The following CAMK1D variants were observed in gnomAD, a reference collection of about 807,000 sequenced individuals.
CAMK1D encodes calcium/calmodulin dependent protein kinase ID, also known as calcium/calmodulin-dependent protein kinase type 1D.
Under a neutral mutation model 47.7 loss-of-function variants are expected in CAMK1D, and 9 were observed. The observed-to-expected ratio is 0.19, with a 90% CI of 0.11 to 0.33. CAMK1D has a LOEUF of 0.33. CAMK1D is among the 10% of genes least tolerant of loss of function. The pLI, the probability that CAMK1D is intolerant of heterozygous loss-of-function variation, is 1.00. For synonymous variants in CAMK1D, 184 were observed against 184.9 expected, an observed-to-expected ratio of 0.99 and a Z score of 0.04; for missense variants, 291 against 488.7, an observed-to-expected ratio of 0.60 and a Z score of 3.81.
intron 1 of CAMK1D, among the ~76,000 whole-genome samples, chr10:12,492,040 C>G (rs952198197): frequency 6.6e-6 from 1 of 152,240 alleles, no homozygotes; most frequent in African/African-American, 2.4e-5. Flanking sequence ...CCACCTCAGC[C>G]TCCCAAACTG....
chr10:12,717,919 G>C (rs1260984596), intron 3 of CAMK1D, among the ~76,000 whole-genome samples: 1 of 147,366 alleles, frequency 6.8e-6, no homozygotes, highest in African/African-American at 2.5e-5. Flanking sequence ...AAAAAAAAAA[G>C]ATGCAAAGAA....
chr10:12,753,249 T>A (rs571559855), intron 3 of CAMK1D, among the ~76,000 whole-genome samples: 1 of 152,280 alleles, frequency 6.6e-6, no homozygotes, highest in South Asian at 2.1e-4. Context: ...CTGGAGGTAA[T>A]TGTGGAAAGG....
At chr10:12,419,261 T>A (rs1588465050) in intron 1 of CAMK1D, among the ~76,000 whole-genome samples, 1 of 150,622 alleles carries the variant, frequency 6.6e-6, no homozygotes, top group African/African-American at 2.4e-5. Context: ...AAAAAAAAAA[T>A]AAATAAAAGG....
At chr10:12,799,300 G>T (rs1838326745) in intron 6 of CAMK1D, among the ~76,000 whole-genome samples, 1 of 152,198 alleles carries the variant, frequency 6.6e-6, no homozygotes, top group Non-Finnish European at 1.5e-5. Flanking sequence ...CGCCGAAAGT[G>T]CAGTGAAAGG....
intron 2 of CAMK1D, among the ~76,000 whole-genome samples, chr10:12,585,053 A>G (rs928245686): frequency 2.0e-5 from 3 of 152,242 alleles, no homozygotes; most frequent in Admixed American, 6.5e-5. Context: ...TGATCATGTC[A>G]GTCATTAGGC....
At chr10:12,558,535 CAA>C (rs1054974702) in intron 2 of CAMK1D, among the ~76,000 whole-genome samples, 3 of 139,222 alleles carry the variant, frequency 2.2e-5, no homozygotes, top group Admixed American at 7.6e-5. Flanking sequence ...ACCTGGGTAA[CAA>C]GAGCAAAACT....
chr10:12,449,551 G>T (rs1232482645), intron 1 of CAMK1D, among the ~76,000 whole-genome samples: 1 of 148,820 alleles, frequency 6.7e-6, no homozygotes, highest in African/African-American at 2.4e-5. Flanking sequence ...TGATCATGGT[G>T]ATCATTTTAT....
intron 6 of CAMK1D, among the ~76,000 whole-genome samples, chr10:12,813,899 A>G (rs1832701509): frequency 6.6e-6 from 1 of 150,740 alleles, no homozygotes; most frequent in South Asian, 2.1e-4. Flanking sequence ...CAGCCTCCCA[A>G]GTAGCTGGGA....
chr10:12,579,335 C>G (rs921162715), intron 2 of CAMK1D, among the ~76,000 whole-genome samples: 2 of 152,188 alleles, frequency 1.3e-5, no homozygotes, highest in South Asian at 2.1e-4. Flanking sequence ...GTGTTGGGCC[C>G]CGTGGCCTTA....
At chr10:12,569,413 T>C (rs1040220649) in intron 2 of CAMK1D, among the ~76,000 whole-genome samples, 1 of 152,092 alleles carries the variant, frequency 6.6e-6, no homozygotes, top group Non-Finnish European at 1.5e-5. Flanking sequence ...TCTACTACTC[T>C]TAAAAATTGT....
chr10:12,786,643 C>T (rs1301647164), intron 5 of CAMK1D, among the ~76,000 whole-genome samples: 2 of 152,216 alleles, frequency 1.3e-5, no homozygotes, highest in African/African-American at 4.8e-5. Context: ...ACTGCAGCTT[C>T]CAACTCTGGG....
At chr10:12,399,958 T>C (rs914430131) in intron 1 of CAMK1D, among the ~76,000 whole-genome samples, 3 of 152,196 alleles carry the variant, frequency 2.0e-5, no homozygotes, top group East Asian at 1.9e-4. Context: ...AAGTTCTATA[T>C]TGGTGAGATG....
At chr10:12,625,340 A>G (rs76955942) in intron 2 of CAMK1D, among the ~76,000 whole-genome samples, 1 of 143,598 alleles carries the variant, frequency 7.0e-6, no homozygotes, top group Non-Finnish European at 1.5e-5. Flanking sequence ...CATGTACAAA[A>G]AAAAAAAAAA....
intron 1 of CAMK1D, among the ~76,000 whole-genome samples, chr10:12,408,463 G>A (rs1329687140): frequency 1.3e-5 from 2 of 152,164 alleles, no homozygotes; most frequent in Non-Finnish European, 2.9e-5. Flanking sequence ...GTGAGCCACC[G>A]CACCTGGCCT....
chr10:12,515,402 C>CTTTTTTTTTTTTTTTTTTTTTT (rs772694725), intron 1 of CAMK1D, among the ~76,000 whole-genome samples: 2 of 102,030 alleles, frequency 2.0e-5, no homozygotes, highest in African/African-American at 7.7e-5. Flanking sequence ...TTTTCCTTTT[C>CTTTTTTTTTTTTTTTTTTTTTT]TTTTTTTTTT....
chr10:12,506,559 C>T (rs1461995972), intron 1 of CAMK1D, among the ~76,000 whole-genome samples: 1 of 152,098 alleles, frequency 6.6e-6, no homozygotes, highest in African/African-American at 2.4e-5. Flanking sequence ...TTCTGTCGCC[C>T]AGACTCTGAA....
intron 3 of CAMK1D, among the ~76,000 whole-genome samples, chr10:12,707,083 T>C (rs138457414): frequency 6.6e-6 from 1 of 152,100 alleles, no homozygotes; most frequent in African/African-American, 2.4e-5. Context: ...TGGAGAGAGA[T>C]AGGAGTTACG....
At chr10:12,556,020 G>C (rs561025671) in intron 2 of CAMK1D, among the ~76,000 whole-genome samples, 31 of 152,268 alleles carry the variant, frequency 2.0e-4, no homozygotes, top group African/African-American at 7.0e-4. Context: ...AACTTGTTTT[G>C]ATAGTTGTTC....
At chr10:12,473,824 C>T (rs1543595) in intron 1 of CAMK1D, among the ~76,000 whole-genome samples, 123,299 of 152,126 alleles carry the variant, frequency 0.81, 50,197 homozygotes, top group East Asian at 0.97. Flanking sequence ...ATTCCTTATC[C>T]TGAGAGACAC....
Sources: allele counts gnomAD v4.1 joint callset (sites outside exome capture counted in the v4.1 genomes callset), GRCh38; gene constraint gnomAD v4.1.1; transcripts MANE v1.5; gene names NCBI Gene and HGNC (gene_info 2026-07-23, HGNC 2026-07-21).